CLVS1: variants seen among roughly 807,000 people sequenced by gnomAD.
CLVS1 encodes the protein clavesin 1.
Under a neutral mutation model 33.1 loss-of-function variants are expected in CLVS1, and 10 were observed. The observed-to-expected ratio is 0.30, with a 90% CI of 0.19 to 0.51. The LOEUF is 0.51. CLVS1 is among the 20% of genes least tolerant of loss of function. The probability of loss-of-function intolerance (pLI) is 0.97; values close to 1 mark genes in which losing one functional copy is unlikely to be tolerated. For missense variants in CLVS1, 343 were observed against 433.4 expected (o/e 0.79, Z 1.85); for synonymous variants, 163 against 166.1 (o/e 0.98, Z 0.14).
At chr8:61,395,642 C>T (rs1353031844) in intron 3 of CLVS1, among the ~76,000 whole-genome samples, 5 of 152,048 alleles carry the variant, frequency 3.3e-5, no homozygotes, top group Admixed American at 2.6e-4. Context: ...GCTGGGCCCA[C>T]ACATGGAGTT....
chr8:61,356,401 A>G (rs1324618398), intron 2 of CLVS1, among the ~76,000 whole-genome samples: 2 of 152,002 alleles, frequency 1.3e-5, no homozygotes, highest in Admixed American at 6.6e-5. Context: ...TTTGCTATGC[A>G]GAAGCTCTTT....
At chr8:61,043,069 C>T in the CLVS1 span, among the ~76,000 whole-genome samples, 4 of 152,176 alleles carry the variant, frequency 2.6e-5, no homozygotes, top group Admixed American at 6.5e-5. Context: ...CATCATGTCC[C>T]TGTTAGAGGA....
intron 3 of CLVS1, among the ~76,000 whole-genome samples, chr8:61,390,079 A>G (rs1186792631): frequency 6.6e-6 from 1 of 152,176 alleles, no homozygotes; most frequent in East Asian, 1.9e-4. Flanking sequence ...TTCAGCTTGA[A>G]AAGTCCTATT....
chr8:61,418,117 AT>A (rs1051496547), intron 3 of CLVS1, among the ~76,000 whole-genome samples: 1 of 152,234 alleles, frequency 6.6e-6, no homozygotes, highest in African/African-American at 2.4e-5. Flanking sequence ...ACCTGAGCAG[AT>A]ACTGGCTTTC....
intron 3 of CLVS1, among the ~76,000 whole-genome samples, chr8:61,414,071 A>C (rs1023042835): frequency 6.6e-6 from 1 of 152,244 alleles, no homozygotes. Context: ...TGTGCCCAAA[A>C]ATGGTAATAA....
At chr8:61,394,825 T>C (rs1814453347) in intron 3 of CLVS1, among the ~76,000 whole-genome samples, 1 of 152,158 alleles carries the variant, frequency 6.6e-6, no homozygotes, top group African/African-American at 2.4e-5. Flanking sequence ...TTTCCTTTTC[T>C]CCACATCCTC....
the CLVS1 span, among the ~76,000 whole-genome samples, chr8:60,984,610 G>T: frequency 1.3e-5 from 2 of 152,144 alleles, no homozygotes; most frequent in South Asian, 2.1e-4. Context: ...TTTCAGGCGT[G>T]AGCCACCGTG....
chr8:61,005,908 A>C, the CLVS1 span, among the ~76,000 whole-genome samples: 2 of 152,144 alleles, frequency 1.3e-5, no homozygotes, highest in Admixed American at 6.5e-5. Context: ...GGGGAGTCGG[A>C]CCAATTCACA....
intron 3 of CLVS1, among the ~76,000 whole-genome samples, chr8:61,415,998 C>T (rs559652738): frequency 1.1e-4 from 16 of 152,284 alleles, no homozygotes; most frequent in Admixed American, 2.6e-4. Context: ...CCAAAGCATA[C>T]GTGCATGGAT....
At chr8:61,108,001 C>T (rs1585615273) in intron 1 of CLVS1, among the ~76,000 whole-genome samples, 1 of 152,236 alleles carries the variant, frequency 6.6e-6, no homozygotes, top group East Asian at 1.9e-4. Flanking sequence ...GGCACAGTGG[C>T]TCACGCCTGT....
chr8:61,446,271 T>C (rs1245604159), intron 3 of CLVS1, among the ~76,000 whole-genome samples: 3 of 152,190 alleles, frequency 2.0e-5, no homozygotes, highest in African/African-American at 7.2e-5. Context: ...ACTTTTCTGT[T>C]TAATAAAGAA....
At chr8:61,458,144 A>G (rs1179934201) in intron 4 of CLVS1, among the ~76,000 whole-genome samples, 163 bp from the exon 5 acceptor site, 1 of 152,230 alleles carries the variant, frequency 6.6e-6, no homozygotes, top group African/African-American at 2.4e-5. Flanking sequence ...ATAAATTAAC[A>G]TTTTATGAAG....
At chr8:61,017,488 C>A in the CLVS1 span, among the ~76,000 whole-genome samples, 1 of 152,238 alleles carries the variant, frequency 6.6e-6, no homozygotes, top group African/African-American at 2.4e-5. Context: ...TGCATCCTTT[C>A]TGAATGTAGC....
chr8:61,405,147 A>C lies in CLVS1; in HGVS notation c.630+28368A>C, dbSNP rs574874921. ...ATTTAAAATAATTCTATTAGGCACT[A>C]TCCTAGTCTTGTCTCTAGTCCTAAC... On this transcript the variant is annotated intron_variant, in intron 3 of 5. Transcript: ENST00000325897. 5.9e-5 allele frequency among the ~76,000 whole-genome samples: 9 copies of C among 152,326 alleles called. No individual in the cohort carries two copies. In the South Asian group the frequency reaches 1.7e-3, roughly 28 times the overall value.
chr8:61,446,440 G>A (rs533689671), intron 3 of CLVS1, among the ~76,000 whole-genome samples: 24 of 152,240 alleles, frequency 1.6e-4, no homozygotes, highest in African/African-American at 5.5e-4. Context: ...TTACCATTAT[G>A]GAGGCTGAGA....
rs556151239 is a variant in CLVS1 at position 61,305,088 on chromosome 8, G to A, written c.455+4806G>A. ...TCAGTTTCTCACCTGTACAGTAGGG[G>A]TGATGAGGGTCATAGGTGAGTACCA... On this transcript the variant is annotated intron_variant, in intron 2 of 5. Coordinates refer to ENST00000325897, the MANE Select transcript of CLVS1 (RefSeq NM_173519.3). Among the ~76,000 whole-genome samples the A allele has an allele frequency of 2.0e-5, 3 of 152,200 alleles. No individual in the cohort carries two copies. The South Asian group carries it at 6.2e-4, about 32-fold the overall frequency.
intron 2 of CLVS1, among the ~76,000 whole-genome samples, chr8:61,213,759 T>G (rs1455879783): frequency 2.0e-5 from 3 of 152,144 alleles, no homozygotes; most frequent in Non-Finnish European, 4.4e-5. Context: ...TGAGCAATAT[T>G]AAATCTGGGC....
intron 1 of CLVS1, among the ~76,000 whole-genome samples, chr8:61,100,270 T>C (rs1000864319): frequency 2.0e-5 from 3 of 152,226 alleles, no homozygotes; most frequent in Admixed American, 6.5e-5. Context: ...TTATGAGGCA[T>C]TGACCCTTTG....
intron 2 of CLVS1, among the ~76,000 whole-genome samples, chr8:61,240,435 T>C (rs1387679105): frequency 6.6e-6 from 1 of 152,230 alleles, no homozygotes; most frequent in Non-Finnish European, 1.5e-5. Context: ...AATAGCCCTC[T>C]GCCCAGCAAT....
Sources: allele counts gnomAD v4.1 joint callset (sites outside exome capture counted in the v4.1 genomes callset), GRCh38; gene constraint gnomAD v4.1.1; transcripts MANE v1.5; gene names NCBI Gene and HGNC (gene_info 2026-07-23, HGNC 2026-07-21).